Variants in TAOK1 observed in about 807,000 individuals in gnomAD.
TAOK1 encodes serine/threonine-protein kinase TAO1.
A neutral mutation model predicts 138.3 loss-of-function variants in TAOK1; 21 were observed. That is an observed-to-expected ratio of 0.15 (90% CI 0.11 to 0.22). The LOEUF is 0.22. TAOK1 is among the 10% of genes least tolerant of loss of function. TAOK1 has a pLI of 1.00. For synonymous variants in TAOK1, 361 were observed against 398.4 expected, an observed-to-expected ratio of 0.91 and a Z score of 1.12; for missense variants, 651 against 1,227.7, an observed-to-expected ratio of 0.53 and a Z score of 7.02.
rs12601578 is a variant in TAOK1, at chr17:29,524,347, A to G, written c.2148+1828A>G. ...GCACCGAGGAATAAACCAAACTGAA[A>G]GTCATACCGTAAATCTGATATGACT... On this transcript the variant is annotated intron_variant, in intron 17 of 19. Transcript: ENST00000261716. Among the ~76,000 whole-genome samples, 9 of 152,342 alleles carry G rather than the reference A, an allele frequency of 5.9e-5. No individual in the cohort carries two copies. The East Asian group carries it at 1.5e-3, about 26-fold the overall frequency.
rs770263137 is a variant in TAOK1 at position 29,526,819 on chromosome 17, T to TTAA, written c.2149-3588_2149-3587insTAA. Among the ~76,000 whole-genome samples the TTAA allele has an allele frequency of 2.9e-3, 146 of 50,944 alleles. 27 individuals carry two copies. Among genetic ancestry groups the TTAA allele is most frequent in the African/African-American group, 3.5e-3 (40 of 11,504 alleles). 33.4% of individuals were successfully genotyped at this position (50,944 alleles called of 152,430 possible). ...GGCAGCATAGGGAGATCTCATCTCT[T>TTAA]AAAAAAAAAAAAAAAAAAAAAAAAA... On this transcript the variant is annotated intron_variant, in intron 17 of 19. Transcript: ENST00000261716.
intron 1 of TAOK1, among the ~76,000 whole-genome samples, chr17:29,399,702 A>G (rs867668489): frequency 2.0e-5 from 3 of 152,076 alleles, no homozygotes; most frequent in Non-Finnish European, 2.9e-5. Flanking sequence ...TTTTGCACCT[A>G]TAATGGACTA....
intron 1 of TAOK1, among the ~76,000 whole-genome samples, chr17:29,395,732 A>G (rs1229592920): frequency 6.9e-6 from 1 of 144,060 alleles, no homozygotes; most frequent in South Asian, 2.2e-4. Flanking sequence ...ATCACAGCGT[A>G]TTGCAGCCTC....
At chr17:29,413,278 G>A (rs1348679841) in intron 1 of TAOK1, among the ~76,000 whole-genome samples, 1 of 152,096 alleles carries the variant, frequency 6.6e-6, no homozygotes. Context: ...TAAAAGAATT[G>A]AGGTGAAATG....
intron 2 of TAOK1, among the ~76,000 whole-genome samples, chr17:29,465,862 T>TTTC: frequency 7.5e-6 from 1 of 132,764 alleles, no homozygotes; most frequent in East Asian, 2.1e-4. Flanking sequence ...TTTTTTTTTT[T>TTTC]TTCAGATTTT....
chr17:29,525,049 C>A (rs1040614307), intron 17 of TAOK1, among the ~76,000 whole-genome samples: 16 of 152,106 alleles, frequency 1.1e-4, no homozygotes, highest in African/African-American at 3.6e-4. Context: ...TATTTTTTCT[C>A]ATTAGGCAGG....
intron 1 of TAOK1, among the ~76,000 whole-genome samples, chr17:29,393,167 C>T (rs1307534736): frequency 3.3e-5 from 5 of 152,070 alleles, no homozygotes; most frequent in African/African-American, 9.7e-5. Context: ...TCTGATTCTC[C>T]GTATTATGGC....
At chr17:29,519,437 T>C (rs1437730126) in intron 16 of TAOK1, among the ~76,000 whole-genome samples, 1 of 151,750 alleles carries the variant, frequency 6.6e-6, no homozygotes, top group Non-Finnish European at 1.5e-5. Flanking sequence ...GAGAATCAAC[T>C]GAACCCAAGA....
At chr17:29,397,599 T>TA (rs1555555297) in intron 1 of TAOK1, among the ~76,000 whole-genome samples, 22 of 57,604 alleles carry the variant, frequency 3.8e-4, no homozygotes, top group African/African-American at 1.5e-3. Context: ...TGAGATTCCG[T>TA]CCCCCCCCAA....
At chr17:29,443,416 A>G (rs936071328) in intron 1 of TAOK1, among the ~76,000 whole-genome samples, 2 of 152,144 alleles carry the variant, frequency 1.3e-5, no homozygotes, top group Non-Finnish European at 2.9e-5. Context: ...TGAAAATCCT[A>G]CTTTGGTCTG....
rs879729341 is a variant in TAOK1, at chr17:29,501,688, T to G, written c.1204-901T>G. On this transcript the variant is annotated intron_variant, in intron 12 of 19. Transcript: ENST00000261716. ...ATATTGGCTACATGTTTCATCAGCT[T>G]TGTTTTCAAGTTATGTTAAAGCTTT... Among the ~76,000 whole-genome samples, 43 of 151,670 alleles carry G rather than the reference T, an allele frequency of 2.8e-4. 1 individual carries two copies. The highest frequency in any genetic ancestry group is 2.2e-3 in the Admixed American group (34 of 15,226).
At chr17:29,511,707 T>A (rs1302463918) in intron 15 of TAOK1, 1 of 152,038 alleles carries the variant, frequency 6.6e-6, no homozygotes, top group African/African-American at 2.4e-5. Context: ...CACTCCTGGC[T>A]GATTTTTAAA....
intron 17 of TAOK1, 37 bp downstream of exon 17, chr17:29,522,556 G>A (rs910952605): frequency 6.2e-6 from 10 of 1,609,436 alleles, no homozygotes; most frequent in South Asian, 1.1e-5. Flanking sequence ...ACAGGGAGGA[G>A]AATGAAAAGG....
intron 3 of TAOK1, among the ~76,000 whole-genome samples, chr17:29,469,737 A>C (rs1003233016): frequency 6.6e-6 from 1 of 152,200 alleles, no homozygotes; most frequent in Admixed American, 6.6e-5. Context: ...CACACCTAGA[A>C]CAAAAATTTT....
chr17:29,466,583 A>G (rs192888747), intron 2 of TAOK1, among the ~76,000 whole-genome samples: 32 of 152,302 alleles, frequency 2.1e-4, no homozygotes, highest in Non-Finnish European at 4.0e-4. Context: ...ATGAGGTTTC[A>G]GTTATAGGGT....
At chr17:29,431,423 C>T (rs933789905) in intron 1 of TAOK1, among the ~76,000 whole-genome samples, 7 of 151,762 alleles carry the variant, frequency 4.6e-5, no homozygotes, top group Non-Finnish European at 8.8e-5. Context: ...ACCCGGGCAA[C>T]GGAGCGAGAC....
intron 1 of TAOK1, among the ~76,000 whole-genome samples, chr17:29,435,990 C>T (rs761635294): frequency 2.6e-5 from 4 of 152,006 alleles, no homozygotes; most frequent in Non-Finnish European, 5.9e-5. Context: ...ATTAGCTGGG[C>T]GTGGTGGCTG....
chr17:29,393,421 G>A (rs1904490166), intron 1 of TAOK1, among the ~76,000 whole-genome samples: 2 of 152,052 alleles, frequency 1.3e-5, no homozygotes, highest in African/African-American at 4.8e-5. Context: ...TAGGAATGTT[G>A]CCTAAAAGTG....
In TAOK1 at chr17:29,421,836, C is replaced by T. The variant is rs561726600; in HGVS notation, c.-94-29619C>T. 2.5e-4 allele frequency among the ~76,000 whole-genome samples: 38 copies of T among 151,976 alleles called. No homozygotes were observed. In the South Asian group the frequency reaches 7.9e-3, roughly 32 times the overall value. On this transcript the variant is annotated intron_variant, in intron 1 of 19. Coordinates refer to ENST00000261716, the MANE Select transcript of TAOK1 (RefSeq NM_020791.4). ...CAGGCTGGTCTCAAACTCCTGGGCT[C>T]AAGTGATCCTCGCCACTCGGCTTCC...
Sources: allele counts gnomAD v4.1 joint callset (sites outside exome capture counted in the v4.1 genomes callset), GRCh38; gene constraint gnomAD v4.1.1; transcripts MANE v1.5; gene names NCBI Gene and HGNC (gene_info 2026-07-23, HGNC 2026-07-21).